SHISA9: variants seen among roughly 807,000 people sequenced by gnomAD.
SHISA9 encodes shisa family member 9.
In SHISA9, 13 loss-of-function variants were observed where a neutral mutation model predicts 38.0. The observed-to-expected ratio is 0.34, with a 90% CI of 0.22 to 0.54. The LOEUF is 0.54. SHISA9 is among the 20% of genes least tolerant of loss of function. The probability of loss-of-function intolerance (pLI) is 0.91; values close to 1 mark genes in which losing one functional copy is unlikely to be tolerated. For synonymous variants in SHISA9, 275 were observed against 242.0 expected, an observed-to-expected ratio of 1.14 and a Z score of -1.27; for missense variants, 538 against 575.8, an observed-to-expected ratio of 0.93 and a Z score of 0.67.
At chr16:13,440,094 C>G in the SHISA9 span, among the ~76,000 whole-genome samples, 2 of 152,156 alleles carry the variant, frequency 1.3e-5, no homozygotes, top group African/African-American at 4.8e-5. Context: ...GAGGGGAGGT[C>G]TGGTAAATTA....
At chr16:12,928,109 G>T (rs745866757) in intron 2 of SHISA9, among the ~76,000 whole-genome samples, 2 of 152,052 alleles carry the variant, frequency 1.3e-5, no homozygotes, top group African/African-American at 2.4e-5. Context: ...AAAAGACAAA[G>T]CCTAAGTTAA....
chr16:12,968,398 A>G (rs2072009754), intron 2 of SHISA9, among the ~76,000 whole-genome samples: 1 of 152,116 alleles, frequency 6.6e-6, no homozygotes, highest in African/African-American at 2.4e-5. Flanking sequence ...ATTATGGTCT[A>G]CGTATATGAT....
chr16:13,554,432 GA>G, the SHISA9 span, among the ~76,000 whole-genome samples: 21 of 150,384 alleles, frequency 1.4e-4, no homozygotes, highest in South Asian at 4.2e-4. Context: ...ATAAATTAAT[GA>G]AAAAAATCAT....
chr16:13,064,402 C>T (rs896010867), intron 2 of SHISA9, among the ~76,000 whole-genome samples: 9 of 152,134 alleles, frequency 5.9e-5, no homozygotes, highest in African/African-American at 9.7e-5. Context: ...TGAGATCAGG[C>T]GCGTTCAGGG....
At chr16:13,257,048 A>G in the SHISA9 span, among the ~76,000 whole-genome samples, 1 of 152,218 alleles carries the variant, frequency 6.6e-6, no homozygotes, top group Non-Finnish European at 1.5e-5. Flanking sequence ...AAATTATGTC[A>G]GGGTACAAAC....
intron 2 of SHISA9, among the ~76,000 whole-genome samples, chr16:13,094,935 C>T (rs964022906): frequency 3.3e-5 from 5 of 152,180 alleles, no homozygotes; most frequent in African/African-American, 1.2e-4. Context: ...ATATGTAAAG[C>T]AGCTACTATA....
chr16:13,510,221 T>A, the SHISA9 span, among the ~76,000 whole-genome samples: 1 of 152,102 alleles, frequency 6.6e-6, no homozygotes. Context: ...GGAAGCAGAA[T>A]CACTTGAATC....
the SHISA9 span, among the ~76,000 whole-genome samples, chr16:13,351,245 G>A: frequency 1.3e-5 from 2 of 152,056 alleles, no homozygotes; most frequent in Admixed American, 6.5e-5. Context: ...GTCACGAACC[G>A]CTTGTTCTTC....
chr16:13,114,263 G>A (rs923154573), intron 2 of SHISA9, among the ~76,000 whole-genome samples: 12 of 151,782 alleles, frequency 7.9e-5, no homozygotes, highest in African/African-American at 1.9e-4. Context: ...TCAGGAGATC[G>A]AGACCATCCT....
intron 2 of SHISA9, among the ~76,000 whole-genome samples, chr16:13,198,180 A>G (rs1476551888): frequency 6.6e-6 from 1 of 152,014 alleles, no homozygotes; most frequent in Non-Finnish European, 1.5e-5. Flanking sequence ...GTGAGACTCC[A>G]TCTCAAAAAA....
intron 1 of SHISA9, among the ~76,000 whole-genome samples, chr16:12,916,438 G>C (rs935839753): frequency 6.6e-6 from 1 of 152,120 alleles, no homozygotes; most frequent in Non-Finnish European, 1.5e-5. Context: ...AAAACTCCGT[G>C]GGGTAGATAG....
Position 12,969,161 on chromosome 16 carries a change from GA to G in SHISA9, c.691+52359del, listed in dbSNP as rs1169341189. 9.7e-3 allele frequency among the ~76,000 whole-genome samples: 941 copies of G among 96,708 alleles called. 7 individuals carry two copies. The highest frequency in any genetic ancestry group is 0.016 in the Non-Finnish European group (702 of 45,000). 63.4% of individuals were successfully genotyped at this position (96,708 alleles called of 152,430 possible). A position where few individuals can be genotyped will look rare whatever the true frequency, so the allele number is the denominator to read the frequency against. ...GACAGAGCAAGACTCCATCTCAAAA[GA>G]AAAAAAAAAAAAGAAAAAAAAACGG... On this transcript the variant is annotated intron_variant, in intron 2 of 4. Coordinates refer to ENST00000558583, the MANE Select transcript of SHISA9 (RefSeq NM_001145204.3).
the SHISA9 span, among the ~76,000 whole-genome samples, chr16:13,477,723 G>C: frequency 1.8e-4 from 28 of 152,296 alleles, no homozygotes; most frequent in African/African-American, 6.5e-4. Context: ...CCAGCATTTT[G>C]GGAGGCCGAG....
intron 2 of SHISA9, among the ~76,000 whole-genome samples, chr16:13,081,028 C>G (rs1043238540): frequency 4.6e-5 from 7 of 152,146 alleles, no homozygotes; most frequent in Middle Eastern, 3.2e-3. Context: ...AATTACCTCC[C>G]CAAAGCACCA....
At chr16:13,065,308 A>C (rs2073421667) in intron 2 of SHISA9, among the ~76,000 whole-genome samples, 1 of 151,882 alleles carries the variant, frequency 6.6e-6, no homozygotes, top group South Asian at 2.1e-4. Context: ...TTTTTCTTTC[A>C]AACCCATCTC....
intron 4 of SHISA9, among the ~76,000 whole-genome samples, chr16:13,229,977 T>G (rs1365316230): frequency 6.6e-6 from 1 of 152,194 alleles, no homozygotes; most frequent in Non-Finnish European, 1.5e-5. Flanking sequence ...TTCATAGCAC[T>G]TACCATAGTT....
chr16:13,026,194 T>C (rs1477342411), intron 2 of SHISA9, among the ~76,000 whole-genome samples: 1 of 151,964 alleles, frequency 6.6e-6, no homozygotes, highest in African/African-American at 2.4e-5. Context: ...TCTTGTACAA[T>C]TGAGACATTT....
At chr16:13,193,400 G>A (rs546996633) in intron 2 of SHISA9, among the ~76,000 whole-genome samples, 4 of 152,232 alleles carry the variant, frequency 2.6e-5, no homozygotes, top group East Asian at 3.9e-4. Flanking sequence ...TGCTCAGGCT[G>A]GAGCACAGTG....
At chr16:13,160,863 C>T (rs550485319) in intron 2 of SHISA9, among the ~76,000 whole-genome samples, 2 of 152,306 alleles carry the variant, frequency 1.3e-5, no homozygotes, top group South Asian at 4.2e-4. Flanking sequence ...CTGGCTGAGA[C>T]AGGGTAGGCA....
Sources: allele counts gnomAD v4.1 joint callset (sites outside exome capture counted in the v4.1 genomes callset), GRCh38; gene constraint gnomAD v4.1.1; transcripts MANE v1.5; gene names NCBI Gene and HGNC (gene_info 2026-07-23, HGNC 2026-07-21).